CCDC102B: variants seen among roughly 807,000 people sequenced by gnomAD.
CCDC102B encodes the protein coiled-coil domain-containing protein 102B.
In CCDC102B, 75 loss-of-function variants were observed where a neutral mutation model predicts 57.4. The ratio of observed to expected loss-of-function variants is 1.31; its 90% CI spans 1.08 to 1.58. CCDC102B has a LOEUF of 1.58. CCDC102B is among the 40% of genes most tolerant of loss of function. CCDC102B has a pLI of 0.00. For missense variants in CCDC102B, 636 were observed against 582.6 expected (o/e 1.09, Z -0.94); for synonymous variants, 206 against 201.9 (o/e 1.02, Z -0.17).
chr18:69,044,057 A>C (rs1398429770), intron 7 of CCDC102B, among the ~76,000 whole-genome samples: 2 of 152,148 alleles, frequency 1.3e-5, no homozygotes, highest in Non-Finnish European at 1.5e-5. Flanking sequence ...AAGAACAAAC[A>C]AAACCAAACC....
At chr18:68,862,099 T>A (rs2038786783) in intron 4 of CCDC102B, among the ~76,000 whole-genome samples, 1 of 152,212 alleles carries the variant, frequency 6.6e-6, no homozygotes. Flanking sequence ...ATTTCCTTAT[T>A]AGATATTTTA....
chr18:68,923,697 T>C (rs1224555345), intron 6 of CCDC102B, among the ~76,000 whole-genome samples: 1 of 151,972 alleles, frequency 6.6e-6, no homozygotes, highest in Non-Finnish European at 1.5e-5. Context: ...AGCCAGAAAT[T>C]AAAGAGAGTT....
At chr18:68,732,453 C>T (rs374128900) in intron 2 of CCDC102B, among the ~76,000 whole-genome samples, 1 of 151,760 alleles carries the variant, frequency 6.6e-6, no homozygotes, top group African/African-American at 2.4e-5. Flanking sequence ...TCAAGCAATT[C>T]TCTGCCTCAG....
intron 4 of CCDC102B, among the ~76,000 whole-genome samples, chr18:68,848,332 A>T (rs2144825010): frequency 6.6e-6 from 1 of 152,064 alleles, no homozygotes; most frequent in South Asian, 2.1e-4. Context: ...GTAGCTCATC[A>T]TCTCTATGAA....
At chr18:68,756,760 C>T (rs905033338) in intron 2 of CCDC102B, among the ~76,000 whole-genome samples, 1 of 152,032 alleles carries the variant, frequency 6.6e-6, no homozygotes, top group African/African-American at 2.4e-5. Context: ...TAAGTCAATT[C>T]GATAATAAAA....
chr18:68,773,192 A>G (rs1266674464), intron 2 of CCDC102B, among the ~76,000 whole-genome samples: 1 of 152,104 alleles, frequency 6.6e-6, no homozygotes, highest in African/African-American at 2.4e-5. Context: ...TGCCAAGTCA[A>G]AAGAATCGGA....
chr18:69,032,489 T>C (rs2145447316), intron 7 of CCDC102B, among the ~76,000 whole-genome samples: 2 of 152,334 alleles, frequency 1.3e-5, no homozygotes, highest in Middle Eastern at 6.8e-3. Flanking sequence ...AAGTGAATTT[T>C]AATTATGATC....
chr18:69,058,081 T>G (rs895829693), downstream of CCDC102B, among the ~76,000 whole-genome samples: 2 of 152,036 alleles, frequency 1.3e-5, no homozygotes, highest in Non-Finnish European at 2.9e-5. Flanking sequence ...CACTCATAAG[T>G]GAGAACAGGT....
At chr18:68,738,887 G>T (rs1230541669) in intron 2 of CCDC102B, among the ~76,000 whole-genome samples, 3 of 151,956 alleles carry the variant, frequency 2.0e-5, no homozygotes, top group African/African-American at 7.3e-5. Flanking sequence ...TGCACATTCA[G>T]CACTCCCCAT....
At chr18:68,922,546 C>T (rs1457088757) in intron 6 of CCDC102B, among the ~76,000 whole-genome samples, 3 of 152,142 alleles carry the variant, frequency 2.0e-5, no homozygotes, top group East Asian at 3.9e-4. Context: ...TGCGTTTGTG[C>T]ATGCACAAGA....
intron 6 of CCDC102B, among the ~76,000 whole-genome samples, chr18:68,942,030 A>G (rs776624846): frequency 1.3e-5 from 2 of 152,098 alleles, no homozygotes; most frequent in Non-Finnish European, 2.9e-5. Flanking sequence ...GAAAAAGCTC[A>G]TTTAGTATTT....
chr18:68,977,442 T>C (rs8093461), intron 6 of CCDC102B, among the ~76,000 whole-genome samples: 36,737 of 151,566 alleles, frequency 0.24, 5,348 homozygotes, highest in South Asian at 0.35. Flanking sequence ...CAGGCCCCAG[T>C]GTGTGACGTT....
At chr18:68,728,928 A>G (rs577776475) in intron 2 of CCDC102B, among the ~76,000 whole-genome samples, 104 of 151,168 alleles carry the variant, frequency 6.9e-4, no homozygotes, top group South Asian at 3.3e-3. Context: ...ATAAGGCACC[A>G]TATATTGATT....
upstream of CCDC102B, among the ~76,000 whole-genome samples, chr18:68,795,831 A>G (rs1417098516): frequency 6.6e-6 from 1 of 152,188 alleles, no homozygotes; most frequent in Non-Finnish European, 1.5e-5. Flanking sequence ...TGTGTGGCAA[A>G]AGAAGCCTCA....
chr18:68,942,638 C>A (rs965953427), intron 6 of CCDC102B, among the ~76,000 whole-genome samples: 76 of 152,074 alleles, frequency 5.0e-4, no homozygotes, highest in Non-Finnish European at 9.0e-4. Context: ...TTGCCTCCAG[C>A]ATGTCTCAAC....
chr18:68,927,935 C>G (rs2041531730), intron 6 of CCDC102B, among the ~76,000 whole-genome samples: 1 of 151,850 alleles, frequency 6.6e-6, no homozygotes, highest in Non-Finnish European at 1.5e-5. Context: ...CAGTCATCTT[C>G]AGATGGGTCT....
intron 2 of CCDC102B, among the ~76,000 whole-genome samples, chr18:68,738,833 C>T (rs1372703654): frequency 4.6e-5 from 7 of 152,152 alleles, no homozygotes; most frequent in Non-Finnish European, 2.9e-5. Flanking sequence ...CCCCAGACCT[C>T]TCTGAATCCA....
rs953904182 is a variant in CCDC102B at position 68,925,537 on chromosome 18, T to C, written c.1263+28109T>C. On this transcript the variant is annotated intron_variant, in intron 6 of 7. Transcript: ENST00000360242. The stretch of plus-strand genomic sequence containing the variant: ...TAGTTTTGCCTTTCCTTTTCTCAGT[T>C]TCTATTTATGACATTTTGGCCACAA... 6.6e-5 allele frequency among the ~76,000 whole-genome samples: 10 copies of C among 152,006 alleles called. 1 individual carries two copies. The highest frequency in any genetic ancestry group is 2.2e-4 in the African/African-American group (9 of 41,410).
chr18:68,734,184 C>T (rs73454101), intron 2 of CCDC102B, among the ~76,000 whole-genome samples: 8,403 of 152,194 alleles, frequency 0.055, 744 homozygotes, highest in African/African-American at 0.18. Context: ...TAAACCTGTC[C>T]TCCGGGAGGA....
Sources: allele counts gnomAD v4.1 joint callset (sites outside exome capture counted in the v4.1 genomes callset), GRCh38; gene constraint gnomAD v4.1.1; transcripts MANE v1.5; gene names NCBI Gene and HGNC (gene_info 2026-07-23, HGNC 2026-07-21).